Variants in TMEM117 observed in about 807,000 individuals in gnomAD.
TMEM117 encodes transmembrane protein 117.
TMEM117 carries 27 observed loss-of-function variants against 52.4 expected under a neutral mutation model. The ratio of observed to expected loss-of-function variants is 0.51; its 90% CI spans 0.38 to 0.71. TMEM117 has a LOEUF of 0.71. Among genes scored for constraint, TMEM117 ranks in the 30% least tolerant of loss-of-function variants. The probability of loss-of-function intolerance (pLI) is 0.00; values close to 1 mark genes in which losing one functional copy is unlikely to be tolerated. For missense variants in TMEM117, 556 were observed against 630.5 expected, an observed-to-expected ratio of 0.88 and a Z score of 1.26; for synonymous variants, 215 against 206.3, an observed-to-expected ratio of 1.04 and a Z score of -0.36.
intron 3 of TMEM117, among the ~76,000 whole-genome samples, chr12:44,118,586 G>A (rs1948184043): frequency 6.6e-6 from 1 of 152,194 alleles, no homozygotes; most frequent in Non-Finnish European, 1.5e-5. Flanking sequence ...ACGAGAAGTA[G>A]AGAGATTGTA....
At position 44,113,960 on chromosome 12, in the gene TMEM117, G is replaced by T. The variant is rs1286964228; in HGVS notation, c.411-29565G>T. Among the ~76,000 whole-genome samples the T allele has an allele frequency of 2.2e-5, 3 of 136,358 alleles. No individual in the cohort carries two copies. The East Asian group carries it at 6.2e-4, about 28-fold the overall frequency. The allele number at this position is 136,358 out of a possible 152,430, so 89.5% of individuals were successfully genotyped here. A position where few individuals can be genotyped will look rare whatever the true frequency, so the allele number is the denominator to read the frequency against. On this transcript the variant is annotated intron_variant, in intron 3 of 7. Coordinates refer to ENST00000266534, the MANE Select transcript of TMEM117 (RefSeq NM_032256.3). ...AAAAGCGCAATATTCGGGTGGGAGT[G>T]ACCCGATTTTCCAGGTGTGTCCGTC...
chr12:43,801,373 T>C, the TMEM117 span, among the ~76,000 whole-genome samples: 1 of 152,204 alleles, frequency 6.6e-6, no homozygotes, highest in South Asian at 2.1e-4. Context: ...AAACCCAGTA[T>C]TTCTTTCAGA....
chr12:43,864,556 G>T (rs1943550599), intron 2 of TMEM117, among the ~76,000 whole-genome samples: 1 of 152,148 alleles, frequency 6.6e-6, no homozygotes, highest in African/African-American at 2.4e-5. Flanking sequence ...TCAGCACTCT[G>T]TGTCTAGCTC....
chr12:44,005,915 A>G (rs577766007), intron 3 of TMEM117, among the ~76,000 whole-genome samples: 10 of 152,296 alleles, frequency 6.6e-5, no homozygotes, highest in African/African-American at 2.4e-4. Flanking sequence ...TGTGTAAGAC[A>G]TGGCTTTCTC....
Position 43,860,323 on chromosome 12 carries a change from A to G in TMEM117, c.277+15395A>G, listed in dbSNP as rs117137831. ...TATAGGACTTGATTTTGTTCATTCA[A>G]TAAACACTTAGAATTTTCTAGGCCC... On this transcript the variant is annotated intron_variant, in intron 2 of 7. Transcript: ENST00000266534. Among the ~76,000 whole-genome samples the G allele has an allele frequency of 6.5e-3, 993 of 152,316 alleles. 27 individuals carry two copies. Among genetic ancestry groups the G allele is most frequent in the East Asian group, 0.042 (217 of 5,186 alleles).
the TMEM117 span, among the ~76,000 whole-genome samples, chr12:43,823,706 G>A: frequency 6.6e-6 from 1 of 151,948 alleles, no homozygotes; most frequent in Non-Finnish European, 1.5e-5. Flanking sequence ...TAGAGACGGG[G>A]TTTCACCATG....
intron 6 of TMEM117, among the ~76,000 whole-genome samples, chr12:44,375,045 C>T (rs975025709): frequency 1.3e-5 from 2 of 151,960 alleles, no homozygotes; most frequent in African/African-American, 4.8e-5. Flanking sequence ...TTATTGCAAA[C>T]GTCTTCCAAG....
At chr12:44,148,925 G>A (rs1948683272) in intron 4 of TMEM117, among the ~76,000 whole-genome samples, 1 of 152,110 alleles carries the variant, frequency 6.6e-6, no homozygotes, top group African/African-American at 2.4e-5. Flanking sequence ...AAGGAGGTCA[G>A]CTATATTGTT....
chr12:44,185,831 G>A (rs1260358205), intron 4 of TMEM117, among the ~76,000 whole-genome samples: 1 of 149,770 alleles, frequency 6.7e-6, no homozygotes, highest in Non-Finnish European at 1.5e-5. Flanking sequence ...AGATGAAACA[G>A]TTTATATAGT....
At chr12:43,853,958 C>G (rs1381086806) in intron 2 of TMEM117, among the ~76,000 whole-genome samples, 2 of 151,826 alleles carry the variant, frequency 1.3e-5, no homozygotes, top group African/African-American at 4.8e-5. Context: ...GACAACTCAG[C>G]TTTTTTTTGG....
intron 5 of TMEM117, among the ~76,000 whole-genome samples, chr12:44,248,025 A>G (rs564759105): frequency 1.3e-5 from 2 of 152,326 alleles, no homozygotes; most frequent in East Asian, 3.9e-4. Flanking sequence ...TTATGCTAAC[A>G]GCTTCCAGTT....
chr12:44,136,981 C>T (rs1447374143), intron 3 of TMEM117, among the ~76,000 whole-genome samples: 1 of 151,396 alleles, frequency 6.6e-6, no homozygotes, highest in African/African-American at 2.4e-5. Context: ...TGCTTTTATA[C>T]TCATCCTACT....
intron 3 of TMEM117, among the ~76,000 whole-genome samples, chr12:43,971,410 T>G (rs1218255724): frequency 6.6e-6 from 1 of 152,248 alleles, no homozygotes; most frequent in African/African-American, 2.4e-5. Context: ...CTCATTATTC[T>G]GCTCTTTTGT....
intron 2 of TMEM117, among the ~76,000 whole-genome samples, chr12:43,892,240 G>T (rs559959958): frequency 1.3e-5 from 2 of 152,296 alleles, no homozygotes; most frequent in African/African-American, 4.8e-5. Context: ...TTCCAGAATT[G>T]TTTCCCAGTG....
intron 3 of TMEM117, among the ~76,000 whole-genome samples, chr12:44,012,738 T>G: frequency 6.6e-6 from 1 of 152,222 alleles, no homozygotes; most frequent in Middle Eastern, 3.2e-3. Context: ...ATAAAAGCCC[T>G]TAGCATATTA....
intron 3 of TMEM117, among the ~76,000 whole-genome samples, chr12:43,998,869 A>C (rs1946072843): frequency 6.6e-6 from 1 of 152,198 alleles, no homozygotes; most frequent in Non-Finnish European, 1.5e-5. Context: ...GAAAAAAGAT[A>C]GACATAGAAA....
At chr12:43,896,764 A>G (rs939136930) in intron 2 of TMEM117, among the ~76,000 whole-genome samples, 1 of 152,164 alleles carries the variant, frequency 6.6e-6, no homozygotes, top group African/African-American at 2.4e-5. Flanking sequence ...AGGAATGTGC[A>G]CATAATCCAA....
At chr12:44,159,375 C>G (rs1230581977) in intron 4 of TMEM117, among the ~76,000 whole-genome samples, 1 of 152,022 alleles carries the variant, frequency 6.6e-6, no homozygotes, top group Non-Finnish European at 1.5e-5. Context: ...CAGTGTCCAA[C>G]AGCATTATTT....
chr12:43,945,705 T>C (rs1165148782), intron 3 of TMEM117, among the ~76,000 whole-genome samples: 1 of 152,228 alleles, frequency 6.6e-6, no homozygotes, highest in Non-Finnish European at 1.5e-5. Context: ...TAAACCACTT[T>C]AGGTATTTGT....
Sources: gnomAD v4.1 joint callset for allele counts (sites outside exome capture counted in the v4.1 genomes callset) on GRCh38, gnomAD v4.1.1 for gene constraint, MANE v1.5 for transcripts, NCBI Gene and HGNC (gene_info 2026-07-23, HGNC 2026-07-21) for gene names.